Variants in CDKN2B-AS1 observed in about 807,000 individuals in gnomAD.
CDKN2B-AS1 encodes the protein CDKN2B and CDKN2A antisense cis and trans regulatory RNA 1, also known as CDKN2B antisense RNA 1 (non-protein coding).
intron 4 of CDKN2B-AS1, among the ~76,000 whole-genome samples, chr9:22,072,111 A>G (rs1824319414): frequency 6.6e-6 from 1 of 152,208 alleles, no homozygotes; most frequent in Non-Finnish European, 1.5e-5. Context: ...ATGTCATTGC[A>G]TTTGGATCAC....
intron 1 of CDKN2B-AS1, among the ~76,000 whole-genome samples, chr9:22,044,882 C>G (rs751871874): frequency 1.8e-4 from 28 of 151,952 alleles, no homozygotes; most frequent in Non-Finnish European, 3.8e-4. Flanking sequence ...CTGACACAAC[C>G]TTTTTGACTC....
intron 1 of CDKN2B-AS1, among the ~76,000 whole-genome samples, chr9:22,035,104 G>T (rs1311722982): frequency 6.6e-6 from 1 of 152,014 alleles, no homozygotes; most frequent in Non-Finnish European, 1.5e-5. Flanking sequence ...CTAATAAATG[G>T]TGACTATAAT....
Position 22,006,111 on chromosome 9 carries a change from A to G in CDKN2B-AS1, n.29+10950A>G, listed in dbSNP as rs1821169793. The G allele has an allele frequency of 6.2e-7, 1 of 1,610,292 alleles. No individual in the cohort carries two copies. Among genetic ancestry groups the G allele is most frequent in the Non-Finnish European group, 8.5e-7 (1 of 1,179,792 alleles). On this transcript the variant is annotated intron_variant and non_coding_transcript_variant, in intron 1 of 4. Coordinates refer to ENST00000650946, the Ensembl canonical transcript of CDKN2B-AS1. The surrounding 1 kb of genome is among the most constrained non-coding windows in gnomAD (Gnocchi z 6.4). ...CAGCCGCGCCCCGGCCCGGTGCAGC[A>G]CCACCAGCGTGTCCAGGAAGCCCTC...
chr9:22,009,107 G>A, intron 1 of CDKN2B-AS1: 1 of 1,212,986 alleles, frequency 8.2e-7, no homozygotes, highest in Non-Finnish European at 1.2e-6. Context: ...GTCCTTCTGC[G>A]GCTTGGGGCC....
intron 4 of CDKN2B-AS1, chr9:22,097,200 G>T (rs1325967796): frequency 1.3e-5 from 2 of 152,190 alleles, no homozygotes; most frequent in Non-Finnish European, 2.9e-5. Flanking sequence ...TGGTGAACTT[G>T]CTGCCTGTGC....
intron 4 of CDKN2B-AS1, among the ~76,000 whole-genome samples, chr9:22,090,604 C>T (rs9644860): frequency 0.5 from 76,443 of 151,960 alleles, 19,414 homozygotes; most frequent in Middle Eastern, 0.68. Flanking sequence ...TTTCATGTGT[C>T]TTTTGGCTGC....
In CDKN2B-AS1 at chr9:22,061,655, C is replaced by A. The variant is rs969320101; in HGVS notation, n.438+5268C>A. ...ATCTATTTGGAAACAGGAATTAATA[C>A]TCAGAATATTATTATTAATATATTT... On this transcript the variant is annotated intron_variant and non_coding_transcript_variant, in intron 4 of 4. Coordinates refer to ENST00000650946, the Ensembl canonical transcript of CDKN2B-AS1. Among the ~76,000 whole-genome samples, 4 of 152,168 alleles carry A rather than the reference C, an allele frequency of 2.6e-5. No individual in the cohort carries two copies. The East Asian group carries it at 7.7e-4, about 29-fold the overall frequency.
intron 1 of CDKN2B-AS1, among the ~76,000 whole-genome samples, chr9:22,010,089 G>A (rs1249939427): frequency 1.3e-5 from 2 of 152,030 alleles, no homozygotes; most frequent in Non-Finnish European, 2.9e-5. Flanking sequence ...ACTTTGTCAG[G>A]TATCTTATTT....
chr9:22,102,814 G>A (rs1213151919), intron 4 of CDKN2B-AS1, among the ~76,000 whole-genome samples: 1 of 152,186 alleles, frequency 6.6e-6, no homozygotes, highest in Non-Finnish European at 1.5e-5. Context: ...AAAAATAGGT[G>A]TTCATAGATC....
chr9:22,100,780 G>C (rs995877123), intron 4 of CDKN2B-AS1, among the ~76,000 whole-genome samples: 1 of 152,116 alleles, frequency 6.6e-6, no homozygotes, highest in African/African-American at 2.4e-5. Context: ...ATGTATGGAG[G>C]TTCCCACTTC....
chr9:22,015,742 C>G (rs879923349), intron 1 of CDKN2B-AS1, among the ~76,000 whole-genome samples: 31 of 152,364 alleles, frequency 2.0e-4, no homozygotes, highest in Admixed American at 1.7e-3. Context: ...CACCGACTAA[C>G]TCATCATCTA....
chr9:22,113,727 A>G (rs947932350), intron 4 of CDKN2B-AS1: 76 of 152,214 alleles, frequency 5.0e-4, no homozygotes, highest in Admixed American at 4.7e-3. Flanking sequence ...AACTCCAGTT[A>G]TACAAACATT....
At chr9:22,071,208 G>A (rs1049234856) in intron 4 of CDKN2B-AS1, among the ~76,000 whole-genome samples, 2 of 145,370 alleles carry the variant, frequency 1.4e-5, no homozygotes, top group African/African-American at 2.6e-5. Flanking sequence ...AAAGTGACTT[G>A]CCACCAAATG....
intron 4 of CDKN2B-AS1, among the ~76,000 whole-genome samples, chr9:22,089,279 A>G (rs1824978582): frequency 6.6e-6 from 1 of 152,210 alleles, no homozygotes; most frequent in Non-Finnish European, 1.5e-5. Context: ...ACTTGATCAA[A>G]ATAATGTTGA....
intron 4 of CDKN2B-AS1, among the ~76,000 whole-genome samples, chr9:22,103,131 ATGTGTGTG>A (rs3221506): frequency 0.037 from 4,966 of 132,446 alleles, 147 homozygotes; most frequent in East Asian, 0.15. Context: ...TCTAGAACAG[ATGTGTGTG>A]TGTGTGTGTG....
intron 4 of CDKN2B-AS1, among the ~76,000 whole-genome samples, chr9:22,082,664 G>C (rs1247150564): frequency 6.6e-6 from 1 of 152,170 alleles, no homozygotes; most frequent in African/African-American, 2.4e-5. Context: ...TTTTAAGGAG[G>C]AGCATATAAT....
chr9:22,068,589 A>G (rs1824161462), intron 4 of CDKN2B-AS1, among the ~76,000 whole-genome samples: 1 of 152,160 alleles, frequency 6.6e-6, no homozygotes, highest in Non-Finnish European at 1.5e-5. Flanking sequence ...TACTCGTAGG[A>G]GGCCTCTATT....
At chr9:22,101,554 A>G (rs566988075) in intron 4 of CDKN2B-AS1, among the ~76,000 whole-genome samples, 1 of 152,266 alleles carries the variant, frequency 6.6e-6, no homozygotes, top group Admixed American at 6.5e-5. Flanking sequence ...GTGGCAAAAT[A>G]AGAACAGAAA....
intron 4 of CDKN2B-AS1, chr9:22,121,200 A>G (rs1826093814): frequency 6.6e-6 from 1 of 152,140 alleles, no homozygotes; most frequent in South Asian, 2.1e-4. Flanking sequence ...GTTTTAAAAA[A>G]AAGAGGAAAT....
Sources: gnomAD v4.1 joint callset for allele counts (sites outside exome capture counted in the v4.1 genomes callset) on GRCh38, gnomAD v4.1.1 for gene constraint, Gnocchi (gnomAD v3.1) non-coding constraint, MANE v1.5 for transcripts, NCBI Gene and HGNC (gene_info 2026-07-23, HGNC 2026-07-21) for gene names.